The following CNTN5 variants were observed in gnomAD, a reference collection of about 807,000 sequenced individuals.
CNTN5 encodes the protein contactin-5.
In CNTN5, 77 loss-of-function variants were observed where a neutral mutation model predicts 129.1. The ratio of observed to expected loss-of-function variants is 0.60; its 90% CI spans 0.50 to 0.72. The LOEUF is 0.72. Ranked by LOEUF, CNTN5 falls within the 30% of genes least tolerant of loss-of-function variation. The probability of loss-of-function intolerance (pLI) is 0.00; values close to 1 mark genes in which losing one functional copy is unlikely to be tolerated. For synonymous variants in CNTN5, 509 were observed against 465.6 expected (o/e 1.09, Z -1.20); for missense variants, 1,478 against 1,328.8 (o/e 1.11, Z -1.75).
At chr11:100,349,436 A>G (rs755896682) in intron 23 of CNTN5, among the ~76,000 whole-genome samples, 2 of 151,838 alleles carry the variant, frequency 1.3e-5, no homozygotes, top group Non-Finnish European at 2.9e-5. Flanking sequence ...TAAGCTTATC[A>G]TACACCAGGT....
intron 3 of CNTN5, among the ~76,000 whole-genome samples, chr11:99,622,045 C>G (rs1839512545): frequency 6.6e-6 from 1 of 152,156 alleles, no homozygotes; most frequent in African/African-American, 2.4e-5. Context: ...TGGTTAATAT[C>G]TAATTGAGTA....
At chr11:99,812,012 G>C (rs1247130538) in intron 3 of CNTN5, among the ~76,000 whole-genome samples, 2 of 152,040 alleles carry the variant, frequency 1.3e-5, no homozygotes, top group South Asian at 2.1e-4. Flanking sequence ...CGTCCTGTAT[G>C]ATGGGAGAAT....
intron 8 of CNTN5, among the ~76,000 whole-genome samples, chr11:99,959,060 A>G (rs1412541604): frequency 6.6e-6 from 1 of 152,146 alleles, no homozygotes; most frequent in African/African-American, 2.4e-5. Context: ...TTCATGAATA[A>G]TCATTCGCTG....
intron 4 of CNTN5, among the ~76,000 whole-genome samples, chr11:99,844,252 T>TTAG (rs1947608598): frequency 6.6e-6 from 1 of 152,220 alleles, no homozygotes; most frequent in Admixed American, 6.5e-5. Context: ...TGTATAAAGT[T>TTAG]TTGCCATTTT....
At chr11:99,695,684 G>T (rs545034452) in intron 3 of CNTN5, among the ~76,000 whole-genome samples, 3 of 151,820 alleles carry the variant, frequency 2.0e-5, no homozygotes, top group Non-Finnish European at 2.9e-5. Context: ...ACCAACCTGG[G>T]CAACGTAGGA....
chr11:100,160,853 GT>G, intron 13 of CNTN5, among the ~76,000 whole-genome samples: 1 of 151,782 alleles, frequency 6.6e-6, no homozygotes, highest in East Asian at 1.9e-4. Context: ...AACGAGCAAC[GT>G]TTGATCTCCC....
chr11:99,426,635 T>C (rs904880182), intron 2 of CNTN5, among the ~76,000 whole-genome samples: 1 of 152,178 alleles, frequency 6.6e-6, no homozygotes, highest in Admixed American at 6.5e-5. Context: ...TTGATATGAA[T>C]GTTTAATTTA....
At chr11:99,638,000 G>T (rs527987915) in intron 3 of CNTN5, among the ~76,000 whole-genome samples, 1 of 152,120 alleles carries the variant, frequency 6.6e-6, no homozygotes, top group South Asian at 2.1e-4. Context: ...GTCAATGGTG[G>T]ACCACATATG....
At chr11:99,733,253 C>T (rs575333533) in intron 3 of CNTN5, among the ~76,000 whole-genome samples, 3 of 146,060 alleles carry the variant, frequency 2.1e-5, no homozygotes, top group East Asian at 2.0e-4. Context: ...ACCTGGGAGG[C>T]GGAGGTTGCA....
chr11:99,788,631 A>G (rs928418600), intron 3 of CNTN5, among the ~76,000 whole-genome samples: 3 of 151,946 alleles, frequency 2.0e-5, no homozygotes, highest in African/African-American at 7.2e-5. Flanking sequence ...ACATTATTGC[A>G]GCAGATAACA....
chr11:99,737,161 A>G (rs1037964415), intron 3 of CNTN5, among the ~76,000 whole-genome samples: 3 of 151,616 alleles, frequency 2.0e-5, no homozygotes. Context: ...ACACACACAC[A>G]CGCACACGCA....
intron 3 of CNTN5, among the ~76,000 whole-genome samples, chr11:99,575,840 G>T (rs1247406107): frequency 1.3e-5 from 2 of 152,152 alleles, no homozygotes; most frequent in African/African-American, 2.4e-5. Flanking sequence ...GCTGGGAGAA[G>T]AGCACCAGCA....
intron 1 of CNTN5, among the ~76,000 whole-genome samples, chr11:99,207,564 G>GT (rs966053287): frequency 3.9e-5 from 6 of 152,024 alleles, no homozygotes; most frequent in Admixed American, 1.3e-4. Flanking sequence ...TTTTTCTATT[G>GT]TTTTTTTCCT....
At chr11:100,112,505 A>C (rs1945688625) in intron 13 of CNTN5, among the ~76,000 whole-genome samples, 1 of 152,150 alleles carries the variant, frequency 6.6e-6, no homozygotes, top group Admixed American at 6.6e-5. Flanking sequence ...GTGTTGTCTT[A>C]GTTCCTTATA....
chr11:99,617,124 C>A (rs1311381174), intron 3 of CNTN5, among the ~76,000 whole-genome samples: 2 of 113,318 alleles, frequency 1.8e-5, no homozygotes, highest in African/African-American at 6.0e-5. Context: ...CAAAACGTAA[C>A]AAAAACAAAA....
chr11:99,588,093 C>T (rs541586154), intron 3 of CNTN5, among the ~76,000 whole-genome samples: 2 of 152,262 alleles, frequency 1.3e-5, no homozygotes, highest in Admixed American at 6.5e-5. Flanking sequence ...CCTGTAATCC[C>T]GGCACTTTGG....
chr11:99,628,802 A>G (rs1209965553), intron 3 of CNTN5, among the ~76,000 whole-genome samples: 2 of 152,068 alleles, frequency 1.3e-5, no homozygotes, highest in African/African-American at 2.4e-5. Flanking sequence ...TGTCAGGGAA[A>G]TGGAATTGCA....
intron 16 of CNTN5, among the ~76,000 whole-genome samples, chr11:100,248,418 C>A (rs947707410): frequency 6.6e-6 from 1 of 151,876 alleles, no homozygotes; most frequent in Non-Finnish European, 1.5e-5. Flanking sequence ...TGGTGGCATG[C>A]GCCTGTGTCT....
intron 1 of CNTN5, among the ~76,000 whole-genome samples, chr11:99,095,832 T>G (rs1302183362): frequency 1.3e-5 from 2 of 151,900 alleles, no homozygotes; most frequent in Non-Finnish European, 2.9e-5. Context: ...TTCAGGGCAA[T>G]GACAAGAACA....
Sources: gnomAD v4.1 joint callset for allele counts (sites outside exome capture counted in the v4.1 genomes callset) on GRCh38, gnomAD v4.1.1 for gene constraint, MANE v1.5 for transcripts, NCBI Gene and HGNC (gene_info 2026-07-23, HGNC 2026-07-21) for gene names.